Variants in GLB1 observed in about 807,000 individuals in gnomAD.
GLB1 encodes beta-galactosidase.
In GLB1, 56 loss-of-function variants were observed where a neutral mutation model predicts 74.0. That is an observed-to-expected ratio of 0.76 (90% CI 0.61 to 0.94). The LOEUF is 0.94. Among genes scored for constraint, GLB1 ranks in the 40% least tolerant of loss-of-function variants. The pLI is 0.00. For missense variants in GLB1, 787 were observed against 845.5 expected (o/e 0.93, Z 0.86); for synonymous variants, 323 against 323.6 (o/e 1.00, Z 0.02).
At chr3:33,043,844 G>GAAAAAAAAAAAA (rs376478014) in intron 10 of GLB1, among the ~76,000 whole-genome samples, 17 of 104,870 alleles carry the variant, frequency 1.6e-4, no homozygotes, top group South Asian at 3.3e-4. Context: ...ACCAAAAAAA[G>GAAAAAAAAAAAA]AAAAAAAAAA....
rs146170366 is a variant in GLB1, at chr3:33,007,053, A to T, written c.1734+7003T>A. ...TGTTCTGAGGTGGCTGATCATTTAG[A>T]AGCCCCAGAGCTGGCCTGGGACTGT... On this transcript the variant is annotated intron_variant, in intron 15 of 15. Coordinates refer to ENST00000307363, the MANE Select transcript of GLB1 (RefSeq NM_000404.4). Among the ~76,000 whole-genome samples the T allele has an allele frequency of 2.9e-3, 439 of 152,236 alleles. 5 individuals are homozygous for T. Among genetic ancestry groups the T allele is most frequent in the African/African-American group, 0.01 (416 of 41,538 alleles).
At chr3:33,002,893 C>A (rs1488522425) in intron 15 of GLB1, among the ~76,000 whole-genome samples, 1 of 151,950 alleles carries the variant, frequency 6.6e-6, no homozygotes, top group Non-Finnish European at 1.5e-5. Context: ...CTCTCACACA[C>A]CGAACTCATG....
chr3:33,081,318 G>C (rs72856178), intron 1 of GLB1, among the ~76,000 whole-genome samples: 1,972 of 152,274 alleles, frequency 0.013, 35 homozygotes, highest in African/African-American at 0.045. Context: ...TTACTGGTAG[G>C]GTGTATTCTC....
At chr3:33,052,493 A>G (rs112597742) in intron 7 of GLB1, among the ~76,000 whole-genome samples, 12,316 of 152,152 alleles carry the variant, frequency 0.081, 1,161 homozygotes, top group East Asian at 0.48. Flanking sequence ...TTAGCTGGGC[A>G]TCGTGGTGCG....
At chr3:33,072,295 T>C (rs947206721) in intron 2 of GLB1, among the ~76,000 whole-genome samples, 7 of 152,230 alleles carry the variant, frequency 4.6e-5, no homozygotes, top group Admixed American at 2.6e-4. Context: ...TTCTGTTTGC[T>C]TCCCCCATCC....
In GLB1 at chr3:33,018,499, G is replaced by C. The variant is rs1276338713; in HGVS notation, c.1296C>G (p.Leu432=). The C allele has an allele frequency of 2.5e-6, 4 of 1,613,928 alleles. No homozygotes were observed. In the African/African-American group the frequency reaches 4.0e-5, roughly 16 times the overall value. The change falls in exon 13 of 16, where the codon CTC becomes CTG. Residue 432 remains leucine (L), a synonymous_variant. Transcript: ENST00000307363. ...LPQDCSNPAP[L]SSPLNGVHDR... ...CGTGGACTCCATTGAGGGGTGAAGA[G>C]AGAGGTGCTGGGTTGCTGCAATCTT...
intron 15 of GLB1, 73 bp downstream of exon 15, chr3:33,013,983 T>C: frequency 1.9e-6 from 3 of 1,611,876 alleles, no homozygotes; most frequent in Non-Finnish European, 2.5e-6. Context: ...AACAGCTCTT[T>C]GTGATTCTTT....
chr3:33,025,875 T>C (rs1489937089), intron 10 of GLB1, among the ~76,000 whole-genome samples: 1 of 152,150 alleles, frequency 6.6e-6, no homozygotes, highest in Non-Finnish European at 1.5e-5. Flanking sequence ...GCCCGGAGCC[T>C]CTGCCGCTGT....
At position 33,062,373 on chromosome 3, in the gene GLB1, G is replaced by T. The variant is rs190806380; in HGVS notation, c.552+3090C>A. Among the ~76,000 whole-genome samples, 3 of 152,248 alleles carry T rather than the reference G, an allele frequency of 2.0e-5. No individual in the cohort carries two copies. The East Asian group carries it at 5.8e-4, about 29-fold the overall frequency. On this transcript the variant is annotated intron_variant, in intron 5 of 15. Transcript: ENST00000307363. ...TGTAGAGATGGAGTTTCACTATGTTGCCCAGGCTGGTCTTGAACTCCTGGG... is the reference window on the plus strand; with the variant it reads ...TGTAGAGATGGAGTTTCACTATGTTTCCCAGGCTGGTCTTGAACTCCTGGG...
intron 4 of GLB1, among the ~76,000 whole-genome samples, chr3:33,065,820 A>G (rs1699650132): frequency 6.6e-6 from 1 of 152,074 alleles, no homozygotes; most frequent in Non-Finnish European, 1.5e-5. Flanking sequence ...ATGCAAAATT[A>G]GCCAGGCTTG....
intron 6 of GLB1, among the ~76,000 whole-genome samples, chr3:33,057,640 C>A (rs1208231174): frequency 6.6e-6 from 1 of 152,220 alleles, no homozygotes; most frequent in Non-Finnish European, 1.5e-5. Flanking sequence ...AAGTTCCCAG[C>A]CAGTGGCTGA....
chr3:33,024,454 A>T, intron 10 of GLB1, 129 bp from the exon 11 acceptor site: 3 of 1,006,488 alleles, frequency 3.0e-6, no homozygotes, highest in Non-Finnish European at 4.3e-6. Context: ...TTGGAAAATC[A>T]AAGGAACTAG....
chr3:33,066,373 A>G (rs1699682619), intron 4 of GLB1, among the ~76,000 whole-genome samples: 1 of 152,132 alleles, frequency 6.6e-6, no homozygotes, highest in Non-Finnish European at 1.5e-5. Flanking sequence ...TGGTGGCTTT[A>G]TAAGAAGAGG....
At chr3:33,030,421 A>T in intron 10 of GLB1, 1 of 883,504 alleles carries the variant, frequency 1.1e-6, no homozygotes, top group Non-Finnish European at 1.4e-6. Flanking sequence ...GTGACACTTT[A>T]AAAGACTATT....
At chr3:33,043,862 A>G (rs74475484) in intron 10 of GLB1, among the ~76,000 whole-genome samples, 1 of 47,206 alleles carries the variant, frequency 2.1e-5, no homozygotes, top group Non-Finnish European at 6.2e-5. Flanking sequence ...AAAAAAAAAA[A>G]GGCTTCCAGG....
chr3:33,014,092 G>A lies in GLB1; in HGVS notation c.1698C>T (p.Pro566=), dbSNP rs1051472577. ...CAGGAAACTGGATAAAGGTGTCCTG[G>A]GGCAAGTCTGGGATCCCACTGGGAA... ...FSIPSGIPDL[P]QDTFIQFPGW... Residue 566 remains proline, a synonymous_variant, in exon 15 of 16, where the codon CCC becomes CCT. Transcript: ENST00000307363. 12 of 1,614,172 alleles carry A rather than the reference G, an allele frequency of 7.4e-6. No individual in the cohort carries two copies. Among genetic ancestry groups the A allele is most frequent in the Non-Finnish European group, 7.6e-6 (9 of 1,180,032 alleles).
chr3:32,988,306 C>G, the GLB1 span, among the ~76,000 whole-genome samples: 1 of 151,358 alleles, frequency 6.6e-6, no homozygotes, highest in Non-Finnish European at 1.5e-5. Flanking sequence ...AACATGGGAG[C>G]AGAAAATGGC....
chr3:32,975,216 A>C, the GLB1 span, among the ~76,000 whole-genome samples: 1 of 152,072 alleles, frequency 6.6e-6, no homozygotes, highest in South Asian at 2.1e-4. Flanking sequence ...TGAGTAGCTG[A>C]GACTACAGGC....
In GLB1 at chr3:33,097,024, G is replaced by A. The variant is rs749823446; in HGVS notation, c.62C>T (p.Thr21Met). The change falls in exon 1 of 16, where the codon ACG (threonine) becomes ATG (methionine). Residue 21 changes from threonine to methionine, a missense_variant. Transcript: ENST00000307363. ...LLLVLLLLGP[T>M]RGLRNATQRM... Reference sequence around the variant, plus strand: ...CCGCAGACTTACGCGCAAGCCGCGCGTAGGGCCCAGAAGCAGCAGAACCAG... The same window carrying A: ...CCGCAGACTTACGCGCAAGCCGCGCATAGGGCCCAGAAGCAGCAGAACCAG... The A allele has an allele frequency of 7.4e-6, 12 of 1,612,172 alleles. No homozygotes were observed. The Admixed American group carries it at 1.8e-4, about 25-fold the overall frequency.
Sources: allele counts gnomAD v4.1 joint callset (sites outside exome capture counted in the v4.1 genomes callset), GRCh38; gene constraint gnomAD v4.1.1; transcripts MANE v1.5; gene names NCBI Gene and HGNC (gene_info 2026-07-23, HGNC 2026-07-21).